The following MYO9A variants were observed in gnomAD, a reference collection of about 807,000 sequenced individuals.
The protein encoded by MYO9A is myosin IXA.
In MYO9A, 103 loss-of-function variants were observed where a neutral mutation model predicts 293.3. The ratio of observed to expected loss-of-function variants is 0.35; its 90% CI spans 0.30 to 0.41. The LOEUF is 0.41. Ranked by LOEUF, MYO9A falls within the 10% of genes least tolerant of loss-of-function variation. The pLI is 1.00. For missense variants in MYO9A, 2,685 were observed against 3,033.0 expected, an observed-to-expected ratio of 0.89 and a Z score of 2.69; for synonymous variants, 1,001 against 1,035.7, an observed-to-expected ratio of 0.97 and a Z score of 0.64.
chr15:71,992,847 T>C (rs2076579398), intron 10 of MYO9A, among the ~76,000 whole-genome samples: 1 of 151,616 alleles, frequency 6.6e-6, no homozygotes, highest in African/African-American at 2.4e-5. Flanking sequence ...AATCTTGGGC[T>C]AGAAGAGGCC....
chr15:72,059,984 C>A lies in MYO9A; in HGVS notation c.-71-13350G>T, dbSNP rs536137374. Among the ~76,000 whole-genome samples the A allele has an allele frequency of 3.3e-5, 5 of 152,262 alleles. No homozygotes were observed. The South Asian group carries it at 1.0e-3, about 32-fold the overall frequency. On this transcript the variant is annotated intron_variant, in intron 1 of 41. Transcript: ENST00000356056. Reference sequence around the variant, plus strand: ...TTGGAAAAAACCTACATGCTACAAGCCACCATATGCACAGACTATACAGTG... The same window carrying A: ...TTGGAAAAAACCTACATGCTACAAGACACCATATGCACAGACTATACAGTG...
chr15:71,959,791 T>C, intron 14 of MYO9A, 110 bp downstream of exon 14: 1 of 957,456 alleles, frequency 1.0e-6, no homozygotes, highest in Non-Finnish European at 1.5e-6. Flanking sequence ...GCAGGATTTT[T>C]GTCCTTGAGA....
At position 71,910,168 on chromosome 15, in the gene MYO9A, G is replaced by GTGTATATATATATATATATATATA. The variant is rs56277057; in HGVS notation, c.2686-5163_2686-5162insTATATATATATATATATATATACA. Among the ~76,000 whole-genome samples, 136 of 128,282 alleles carry GTGTATATATATATATATATATATA rather than the reference G, an allele frequency of 1.1e-3. No individual in the cohort carries two copies. The Middle Eastern group carries it at 0.012, about 12-fold the overall frequency. 84.2% of individuals were successfully genotyped at this position (128,282 alleles called of 152,430 possible). On this transcript the variant is annotated intron_variant, in intron 19 of 41. Transcript: ENST00000356056. ...CGTGTGTGTGTATATATATATACGT[G>GTGTATATATATATATATATATATA]TATATATATATATAAAATCAGAAAC...
At chr15:72,017,705 A>G (rs2077385967) in intron 6 of MYO9A, among the ~76,000 whole-genome samples, 1 of 152,210 alleles carries the variant, frequency 6.6e-6, no homozygotes, top group African/African-American at 2.4e-5. Context: ...CTAGTCATGC[A>G]ATTAGTAAAG....
intron 5 of MYO9A, among the ~76,000 whole-genome samples, chr15:72,019,963 G>C (rs2077454597): frequency 6.6e-6 from 1 of 152,094 alleles, no homozygotes; most frequent in Non-Finnish European, 1.5e-5. Context: ...TGTTGGCCAG[G>C]CTGGTCTCGA....
chr15:72,081,600 G>C (rs765576201), intron 1 of MYO9A, among the ~76,000 whole-genome samples: 1 of 152,146 alleles, frequency 6.6e-6, no homozygotes, highest in Non-Finnish European at 1.5e-5. Flanking sequence ...TGGTGTCTTC[G>C]TCATAAAATC....
At chr15:71,953,859 T>C (rs185884326) in intron 14 of MYO9A, among the ~76,000 whole-genome samples, 31 of 150,590 alleles carry the variant, frequency 2.1e-4, no homozygotes, top group Non-Finnish European at 3.3e-4. Flanking sequence ...TTCTGAGGAG[T>C]CTCATCAACT....
At chr15:71,997,188 C>T (rs2076722096) in intron 9 of MYO9A, among the ~76,000 whole-genome samples, 1 of 152,038 alleles carries the variant, frequency 6.6e-6, no homozygotes, top group African/African-American at 2.4e-5. Context: ...TCTTAAAACA[C>T]TTTAAGAGCT....
chr15:71,934,786 CTTTTTTTTTTTTT>C lies in MYO9A; in HGVS notation c.2522+542_2522+554del, dbSNP rs1167613386. Among the ~76,000 whole-genome samples the C allele has an allele frequency of 3.9e-4, 24 of 61,798 alleles. No individual in the cohort carries two copies. The South Asian group carries it at 8.7e-3, about 22-fold the overall frequency. 40.5% of individuals were successfully genotyped at this position (61,798 alleles called of 152,430 possible). Reference sequence around the variant, plus strand: ...TGGCTAATTTTTTTTCTTTTCTTTTCTTTTTTTTTTTTTTTTTTTTTTTTTGGAGAGATGGGGT... The same window carrying C: ...TGGCTAATTTTTTTTCTTTTCTTTTCTTTTTTTTTTTTGGAGAGATGGGGT... On this transcript the variant is annotated intron_variant, in intron 17 of 41. Coordinates refer to ENST00000356056, the MANE Select transcript of MYO9A (RefSeq NM_006901.4).
chr15:72,041,708 T>A, intron 2 of MYO9A: 1 of 183,878 alleles, frequency 5.4e-6, no homozygotes, highest in Non-Finnish European at 1.2e-5. Flanking sequence ...GGCAAAGAGC[T>A]CCTTTCACCT....
At chr15:72,082,994 G>A (rs1596533871) in intron 1 of MYO9A, among the ~76,000 whole-genome samples, 1 of 151,290 alleles carries the variant, frequency 6.6e-6, no homozygotes, top group African/African-American at 2.4e-5. Flanking sequence ...TTTTTGTTGT[G>A]TCTCTGCTAG....
chr15:71,850,609 A>G (rs947913983), intron 37 of MYO9A, among the ~76,000 whole-genome samples: 2 of 20,486 alleles, frequency 9.8e-5, no homozygotes, highest in Non-Finnish European at 1.7e-4. Context: ...TACTAACAAT[A>G]CAAAAATTAG....
At chr15:71,896,220 T>C (rs151240311) in intron 25 of MYO9A, among the ~76,000 whole-genome samples, 4 of 152,194 alleles carry the variant, frequency 2.6e-5, no homozygotes, top group Admixed American at 6.5e-5. Flanking sequence ...AAAATCCATA[T>C]GAAATTTTAA....
At chr15:71,907,402 A>G (rs1596161591) in intron 19 of MYO9A, among the ~76,000 whole-genome samples, 1 of 141,210 alleles carries the variant, frequency 7.1e-6, no homozygotes, top group African/African-American at 2.6e-5. Flanking sequence ...CGCAATAAAC[A>G]TACGTGTGCA....
chr15:71,911,866 T>C (rs1476114214), intron 19 of MYO9A, among the ~76,000 whole-genome samples: 1 of 152,186 alleles, frequency 6.6e-6, no homozygotes, highest in Non-Finnish European at 1.5e-5. Flanking sequence ...TAGAGTATAG[T>C]GAAGGTGGTA....
intron 18 of MYO9A, among the ~76,000 whole-genome samples, chr15:71,933,175 T>C (rs1314801968): frequency 2.0e-5 from 3 of 152,158 alleles, no homozygotes; most frequent in Admixed American, 6.6e-5. Context: ...CAAAGTTTTA[T>C]TGGAATGCAA....
At chr15:72,041,231 T>G (rs2078217258) in intron 2 of MYO9A, 1 of 1,388,014 alleles carries the variant, frequency 7.2e-7, no homozygotes, top group Admixed American at 1.7e-5. Context: ...CTTCACTCAT[T>G]GCACACATGA....
At chr15:72,068,138 G>T (rs2150117035) in intron 1 of MYO9A, among the ~76,000 whole-genome samples, 1 of 152,178 alleles carries the variant, frequency 6.6e-6, no homozygotes, top group East Asian at 1.9e-4. Flanking sequence ...AGTCCTTATA[G>T]AAAATAAGAA....
chr15:71,893,809 G>C, intron 25 of MYO9A, 31 bp from the exon 26 acceptor site: 1 of 1,553,620 alleles, frequency 6.4e-7, no homozygotes, highest in South Asian at 1.1e-5. Flanking sequence ...TTACATTTCA[G>C]TTCTTAGCAG....
Sources: allele counts gnomAD v4.1 joint callset (sites outside exome capture counted in the v4.1 genomes callset), GRCh38; gene constraint gnomAD v4.1.1; transcripts MANE v1.5; gene names NCBI Gene and HGNC (gene_info 2026-07-23, HGNC 2026-07-21).